The following IGF1 variants were observed in gnomAD, a reference collection of about 807,000 sequenced individuals.
IGF1 encodes the protein insulin-like growth factor 1.
IGF1 carries 4 observed loss-of-function variants against 13.8 expected under a neutral mutation model. The ratio of observed to expected loss-of-function variants is 0.29; its 90% CI spans 0.14 to 0.66. The LOEUF (loss-of-function observed/expected upper bound fraction) is 0.66. Among genes scored for constraint, IGF1 ranks in the 30% least tolerant of loss-of-function variants. The pLI is 0.78. For synonymous variants in IGF1, 76 were observed against 72.6 expected (o/e 1.05, Z -0.23); for missense variants, 124 against 188.5 (o/e 0.66, Z 2.00).
intron 2 of IGF1, among the ~76,000 whole-genome samples, chr12:102,470,211 T>C (rs1880598429): frequency 6.6e-6 from 1 of 152,190 alleles, no homozygotes; most frequent in Admixed American, 6.5e-5. Flanking sequence ...ATGAGAAAAT[T>C]GAGGAACAAA....
intron 3 of IGF1, chr12:102,417,637 C>T (rs1875263122): frequency 8.2e-6 from 11 of 1,341,492 alleles, no homozygotes; most frequent in African/African-American, 3.1e-5. Context: ...TTTTCTTTTC[C>T]GTTTTCTCCA....
chr12:102,464,050 C>T (rs1247045812), intron 2 of IGF1, among the ~76,000 whole-genome samples: 3 of 152,208 alleles, frequency 2.0e-5, no homozygotes, highest in African/African-American at 7.2e-5. Context: ...AGCTGTGATT[C>T]ATACCTTAGC....
chr12:102,447,059 T>C (rs1878410722), intron 2 of IGF1, among the ~76,000 whole-genome samples: 1 of 152,176 alleles, frequency 6.6e-6, no homozygotes, highest in African/African-American at 2.4e-5. Context: ...TGATCCTGAG[T>C]TCTAATTTGA....
At chr12:102,454,842 ATCAG>A (rs1199815278) in intron 2 of IGF1, among the ~76,000 whole-genome samples, 4 of 152,236 alleles carry the variant, frequency 2.6e-5, no homozygotes, top group African/African-American at 9.6e-5. Flanking sequence ...CTGTTTACCT[ATCAG>A]TCTGGGGACA....
rs556808662 is a variant in IGF1, at chr12:102,435,401, C to T, written c.221-15711G>A. The stretch of plus-strand genomic sequence containing the variant: ...AGAATATAGAAGAGGACACAGGATA[C>T]GCAGGTTACACAGTCTCCCCACATC... On this transcript the variant is annotated intron_variant, in intron 2 of 3. Transcript: ENST00000337514. 1.6e-4 allele frequency among the ~76,000 whole-genome samples: 24 copies of T among 152,272 alleles called. No individual in the cohort carries two copies. In the South Asian group the frequency reaches 3.7e-3, roughly 24 times the overall value.
chr12:102,415,782 C>G (rs1398713673), intron 3 of IGF1: 2 of 152,328 alleles, frequency 1.3e-5, no homozygotes, highest in Admixed American at 6.5e-5. Context: ...ATATGCTACT[C>G]TAAGGTGATG....
At chr12:102,444,121 C>G (rs1376979829) in intron 2 of IGF1, among the ~76,000 whole-genome samples, 1 of 152,016 alleles carries the variant, frequency 6.6e-6, no homozygotes, top group Admixed American at 6.5e-5. Flanking sequence ...GCCACCACGC[C>G]CGGCTGAAGT....
Position 102,475,623 on chromosome 12 carries a change from T to C in IGF1, c.220+20A>G. ...TACACTTTAGACTTGAGCAGCACAT[T>C]GAGAGGGAGGGCTACTTACTGAAAT... On this transcript the variant is annotated intron_variant, in intron 2 of 3. Coordinates refer to ENST00000337514, the MANE Select transcript of IGF1 (RefSeq NM_000618.5). 6.2e-7 allele frequency: 1 copy of C among 1,613,840 alleles called. No homozygotes were observed. Among genetic ancestry groups the C allele is most frequent in the Non-Finnish European group, 8.5e-7 (1 of 1,179,868 alleles).
At chr12:102,426,386 A>G (rs1022066006) in intron 2 of IGF1, among the ~76,000 whole-genome samples, 4 of 152,242 alleles carry the variant, frequency 2.6e-5, no homozygotes, top group Non-Finnish European at 4.4e-5. Context: ...GTTGACAATT[A>G]TTATTATGGT....
Position 102,398,192 on chromosome 12 carries a change from C to G in IGF1, c.*4315G>C, listed in dbSNP as rs1223404262. On this transcript the variant is annotated 3_prime_UTR_variant, in exon 4 of 4. Coordinates refer to ENST00000337514, the MANE Select transcript of IGF1 (RefSeq NM_000618.5). Reference sequence around the variant, plus strand: ...TTCTTTCTTTATCAGTAGATAACCCCCATCTCATAAGGAAATACTTTCCAA... The same window carrying G: ...TTCTTTCTTTATCAGTAGATAACCCGCATCTCATAAGGAAATACTTTCCAA... The G allele has an allele frequency of 6.6e-6, 1 of 152,486 alleles. No individual in the cohort carries two copies. The highest frequency in any genetic ancestry group is 1.5e-5 in the Non-Finnish European group (1 of 68,006). 9.4% of individuals were successfully genotyped at this position (152,486 alleles called of 1,614,324 possible).
intron 2 of IGF1, chr12:102,462,926 A>T (rs1880027658): frequency 6.6e-6 from 1 of 152,186 alleles, no homozygotes; most frequent in South Asian, 2.1e-4. Context: ...ATAGGAAGCA[A>T]CATGCTGAAA....
Position 102,446,628 on chromosome 12 carries a change from G to A in IGF1, c.221-26938C>T, listed in dbSNP as rs577846297. On this transcript the variant is annotated intron_variant, in intron 2 of 3. Coordinates refer to ENST00000337514, the MANE Select transcript of IGF1 (RefSeq NM_000618.5). ...TTCTTCTCTCTTTTCTTCTTTATTA[G>A]TCTTGCTAGCGGTCTATCTATTTTG... is the stretch of plus-strand genomic sequence containing the variant. 5.3e-5 allele frequency among the ~76,000 whole-genome samples: 8 copies of A among 151,828 alleles called. No homozygotes were observed. In the East Asian group the frequency reaches 9.7e-4, roughly 18 times the overall value.
chr12:102,423,534 A>C (rs1393059463), intron 2 of IGF1, among the ~76,000 whole-genome samples: 3 of 152,188 alleles, frequency 2.0e-5, no homozygotes, highest in Non-Finnish European at 4.4e-5. Flanking sequence ...GTTGGCCACC[A>C]CCTATCCTAG....
At chr12:102,421,922 TTC>T (rs1875756328) in intron 2 of IGF1, among the ~76,000 whole-genome samples, 1 of 152,158 alleles carries the variant, frequency 6.6e-6, no homozygotes, top group Non-Finnish European at 1.5e-5. Flanking sequence ...CAGAGAGAGT[TTC>T]TATGATTGTA....
At position 102,478,551 on chromosome 12, in the gene IGF1, G is replaced by A. The variant is rs768397811; in HGVS notation, c.63+1768C>T. On this transcript the variant is annotated intron_variant, in intron 1 of 3. Transcript: ENST00000337514. ...AGCAGGTCAGGGTGGGTATTATGAG[G>A]CCGATGTGAATAGAAAACTGAAGTC... The A allele has an allele frequency of 3.7e-6, 6 of 1,605,942 alleles. No individual in the cohort carries two copies. The East Asian group carries it at 1.1e-4, about 30-fold the overall frequency.
intron 1 of IGF1, 105 bp downstream of exon 1, chr12:102,480,214 C>A: frequency 8.8e-7 from 1 of 1,138,648 alleles, no homozygotes; most frequent in South Asian, 1.3e-5. Flanking sequence ...CTCTCGGTTC[C>A]GAAACAATGA....
chr12:102,449,427 G>A (rs1565991442), intron 2 of IGF1, among the ~76,000 whole-genome samples: 1 of 152,022 alleles, frequency 6.6e-6, no homozygotes, highest in Non-Finnish European at 1.5e-5. Flanking sequence ...ATAGCATTAA[G>A]AGAAATACCT....
At chr12:102,474,136 A>G (rs776500688) in intron 2 of IGF1, among the ~76,000 whole-genome samples, 10 of 152,196 alleles carry the variant, frequency 6.6e-5, no homozygotes, top group Non-Finnish European at 1.3e-4. Flanking sequence ...AAATTATAGA[A>G]TAATTATGAC....
chr12:102,416,974 G>T (rs965323041), intron 3 of IGF1, among the ~76,000 whole-genome samples: 8 of 152,188 alleles, frequency 5.3e-5, no homozygotes, highest in Admixed American at 4.6e-4. Context: ...ATGTATGGAG[G>T]GAAGATGAAG....
Sources: allele counts gnomAD v4.1 joint callset (sites outside exome capture counted in the v4.1 genomes callset), GRCh38; gene constraint gnomAD v4.1.1; transcripts MANE v1.5; gene names NCBI Gene and HGNC (gene_info 2026-07-23, HGNC 2026-07-21).